Variants in PGP observed in about 807,000 individuals in gnomAD.
PGP encodes the protein phosphoglycolate phosphatase, also known as aspartate-based ubiquitous Mg(2+)-dependent phosphatase.
PGP carries 9 observed loss-of-function variants against 19.3 expected under a neutral mutation model. The ratio of observed to expected loss-of-function variants is 0.47; its 90% confidence interval spans 0.28 to 0.81. The LOEUF is 0.81. PGP is among the 40% of genes least tolerant of loss of function. The pLI is 0.11. For synonymous variants in PGP, 308 were observed against 226.8 expected (o/e 1.36, Z -3.22); for missense variants, 403 against 479.9 (o/e 0.84, Z 1.50).
rs530102811 is a variant in PGP at position 2,213,512 on chromosome 16, C to A, written c.*216G>T. The A allele has an allele frequency of 2.3e-5, 15 of 662,338 alleles. No homozygotes were observed. In the East Asian group the frequency reaches 5.5e-4, roughly 24 times the overall value. The allele number at this position is 662,338 out of a possible 1,614,324, so 41.0% of individuals were successfully genotyped here. ...CCCAGAACCCAGCCCACAACGCCTTCCAAGCCTAAAAGTGCATCTTCGATT... is the reference window on the plus strand; with the variant it reads ...CCCAGAACCCAGCCCACAACGCCTTACAAGCCTAAAAGTGCATCTTCGATT... On this transcript the variant is annotated 3_prime_UTR_variant, in exon 2 of 2. Transcript: ENST00000333503.
In PGP at chr16:2,214,547, G is replaced by A; in HGVS notation, c.231C>T (p.Tyr77=). 3 of 1,458,802 alleles carry A rather than the reference G, an allele frequency of 2.1e-6. No individual in the cohort carries two copies. Among genetic ancestry groups the A allele is most frequent in the Non-Finnish European group, 2.7e-6 (3 of 1,108,494 alleles). 90.4% of individuals were successfully genotyped at this position (1,458,802 alleles called of 1,614,324 possible). A position where few individuals can be genotyped will look rare whatever the true frequency, so the allele number is the denominator to read the frequency against. Reference sequence around the variant, plus strand: ...AGCCCAGGCGCCGCAGCTTCTCGGCGTAGGCAGCGCGGGTCTTGCTGCTGT... The same window carrying A: ...AGCCCAGGCGCCGCAGCTTCTCGGCATAGGCAGCGCGGGTCTTGCTGCTGT... ...TNNSSKTRAA[Y]AEKLRRLGFG... is the part of the protein sequence containing the mutation. Residue 77 remains tyrosine (Y), a synonymous_variant, in exon 1 of 2, where the codon TAC becomes TAT. Transcript: ENST00000333503. This position sits in a 1 kb window ranked among gnomAD's most constrained non-coding sequence, Gnocchi z 7.1.
Position 2,214,014 on chromosome 16 carries a change from T to G in PGP, c.680A>C (p.Gln227Pro). Residue 227 changes from glutamine (Q) to proline (P), a missense_variant, in exon 2 of 2, where the codon CAG (glutamine) becomes CCG (proline). Transcript: ENST00000333503. This position sits in a 1 kb window ranked among gnomAD's most constrained non-coding sequence, Gnocchi z 7.1. ...CLVRAVEMAAQRQADIIGKPS... is the reference protein window; with the variant it reads ...CLVRAVEMAAPRQADIIGKPS... ...CTTCCCGATGATGTCGGCCTGGCGC[T>G]GGGCGGCCATCTCCACGGCTCGGAC... 1 of 1,603,262 alleles carries G rather than the reference T, an allele frequency of 6.2e-7. No individual in the cohort carries two copies. The highest frequency in any genetic ancestry group is 8.5e-7 in the Non-Finnish European group (1 of 1,173,562).
At position 2,212,903 on chromosome 16, in the gene PGP, A is replaced by G; in HGVS notation, c.*825T>C. 3 of 972,748 alleles carry G rather than the reference A, an allele frequency of 3.1e-6. No homozygotes were observed. Among genetic ancestry groups the G allele is most frequent in the East Asian group, 1.2e-4 (1 of 8,314 alleles). 60.3% of individuals were successfully genotyped at this position (972,748 alleles called of 1,614,324 possible). On this transcript the variant is annotated 3_prime_UTR_variant, in exon 2 of 2. Transcript: ENST00000333503. ...TTAAAATTCAAATCCATTGCCTGAC[A>G]CAGTTGTTCAAAGTTAAAAACTGGT...
At position 2,213,464 on chromosome 16, in the gene PGP, G is replaced by T; in HGVS notation, c.*264C>A. On this transcript the variant is annotated 3_prime_UTR_variant, in exon 2 of 2. Transcript: ENST00000333503. ...TGAATCCCGGACAGGTGCAGAGCCT[G>T]CCCCTGCCAACCCCACCCAAGGCCC... is the stretch of plus-strand genomic sequence containing the variant. 2 of 768,842 alleles carry T rather than the reference G, an allele frequency of 2.6e-6. No homozygotes were observed. The highest frequency in any genetic ancestry group is 3.5e-6 in the Non-Finnish European group (2 of 577,432). 47.6% of individuals were successfully genotyped at this position (768,842 alleles called of 1,614,324 possible).
rs748216922 is a variant in PGP at position 2,214,265 on chromosome 16, G to A, written c.513C>T (p.Gly171=). 4.4e-6 allele frequency: 7 copies of A among 1,582,382 alleles called. No homozygotes were observed. Among genetic ancestry groups the A allele is most frequent in the South Asian group, 1.1e-5 (1 of 88,470 alleles). Residue 171 remains glycine, a synonymous_variant, in exon 1 of 2, where the codon GGC becomes GGT. Transcript: ENST00000333503. The surrounding 1 kb of genome is among the most constrained non-coding windows in gnomAD (Gnocchi z 7.1). ...TCATGTAGCTGAAGTGCGGGTCAAA[G>A]CCCACCACCACCGCGCGCACGTCGG... is the stretch of plus-strand genomic sequence containing the variant. ...LEPDVRAVVV[G]FDPHFSYMKL...
At position 2,211,782 on chromosome 16, in the gene PGP, CTCCAGGGCCCTTTGCT is replaced by C. The variant is rs1177152603; in HGVS notation, c.*1930_*1945del. On this transcript the variant is annotated 3_prime_UTR_variant, in exon 2 of 2. Coordinates refer to ENST00000333503, the MANE Select transcript of PGP (RefSeq NM_001042371.3). ...CTGACACGGCAGCCCACCAGCTTCACTCCAGGGCCCTTTGCTTCCCTGGCTTCCCTTTGTGCCTGGC... is the reference window on the plus strand; with the variant it reads ...CTGACACGGCAGCCCACCAGCTTCACTCCCTGGCTTCCCTTTGTGCCTGGC... 1.0e-5 allele frequency: 10 copies of C among 985,540 alleles called. No individual in the cohort carries two copies. Among genetic ancestry groups the C allele is most frequent in the Non-Finnish European group, 1.2e-5 (10 of 830,080 alleles). 61.0% of individuals were successfully genotyped at this position (985,540 alleles called of 1,614,324 possible).
Position 2,212,729 on chromosome 16 carries a change from C to T in PGP, c.*999G>A, listed in dbSNP as rs921920392. On this transcript the variant is annotated 3_prime_UTR_variant, in exon 2 of 2. Coordinates refer to ENST00000333503, the MANE Select transcript of PGP (RefSeq NM_001042371.3). ...ACTGACAGGCATTCCTTGGCCAACA[C>T]ATGCTTGAGCCGCGCTGCTGGCTGC... 1.0e-6 allele frequency: 1 copy of T among 985,322 alleles called. No homozygotes were observed. The highest frequency in any genetic ancestry group is 6.1e-5 in the Admixed American group (1 of 16,274). The allele number at this position is 985,322 out of a possible 1,614,324, so 61.0% of individuals were successfully genotyped here. A position where few individuals can be genotyped will look rare whatever the true frequency, so the allele number is the denominator to read the frequency against.
chr16:2,212,425 T>TA lies in PGP; in HGVS notation c.*1302_*1303insT. Reference sequence around the variant, plus strand: ...AAGGTGCAGCATCCCGGGATGGCCCTGCTGAGTCTGCTGTCAGGCCTGTGA... The same window carrying TA: ...AAGGTGCAGCATCCCGGGATGGCCCTAGCTGAGTCTGCTGTCAGGCCTGTGA... On this transcript the variant is annotated 3_prime_UTR_variant, in exon 2 of 2. Coordinates refer to ENST00000333503, the MANE Select transcript of PGP (RefSeq NM_001042371.3). 1.0e-6 allele frequency: 1 copy of TA among 985,724 alleles called. No individual in the cohort carries two copies. Among genetic ancestry groups the TA allele is most frequent in the African/African-American group, 1.7e-5 (1 of 57,354 alleles). The allele number at this position is 985,724 out of a possible 1,614,324, so 61.1% of individuals were successfully genotyped here.
chr16:2,214,616 C>A lies in PGP; in HGVS notation c.162G>T (p.Arg54=), dbSNP rs1387106913. 3 of 1,455,852 alleles carry A rather than the reference C, an allele frequency of 2.1e-6. No individual in the cohort carries two copies. Among genetic ancestry groups the A allele is most frequent in the Non-Finnish European group, 2.7e-6 (3 of 1,107,620 alleles). The allele number at this position is 1,455,852 out of a possible 1,614,324, so 90.2% of individuals were successfully genotyped here. Residue 54 remains arginine (R), a synonymous_variant, in exon 1 of 2, where the codon CGG becomes CGT. Coordinates refer to ENST00000333503, the MANE Select transcript of PGP (RefSeq NM_001042371.3). This position sits in a 1 kb window ranked among gnomAD's most constrained non-coding sequence, Gnocchi z 7.1. ...GGCGCTTGCCGCGGGCTCGCAGCGC[C>A]CGCAGGGCCTCGGGCGCGCCAGGCA... ...TAVPGAPEAL[R]ALRARGKRLG...
At position 2,214,514 on chromosome 16, in the gene PGP, G is replaced by A; in HGVS notation, c.264C>T (p.Gly88=). Residue 88 remains glycine (G), a synonymous_variant, in exon 1 of 2, where the codon GGC becomes GGT. Coordinates refer to ENST00000333503, the MANE Select transcript of PGP (RefSeq NM_001042371.3). This position sits in a 1 kb window ranked among gnomAD's most constrained non-coding sequence, Gnocchi z 7.1. Reference sequence around the variant, plus strand: ...CCAGGCTGGCGCCGGGCCCCGCGGGGCCGCCGAAGCCCAGGCGCCGCAGCT... The same window carrying A: ...CCAGGCTGGCGCCGGGCCCCGCGGGACCGCCGAAGCCCAGGCGCCGCAGCT... ...AEKLRRLGFG[G]PAGPGASLEV... 7.0e-7 allele frequency: 1 copy of A among 1,431,346 alleles called. No individual in the cohort carries two copies. The highest frequency in any genetic ancestry group is 9.1e-7 in the Non-Finnish European group (1 of 1,095,884). 88.7% of individuals were successfully genotyped at this position (1,431,346 alleles called of 1,614,324 possible). A position where few individuals can be genotyped will look rare whatever the true frequency, so the allele number is the denominator to read the frequency against.
Position 2,212,459 on chromosome 16 carries a change from C to A in PGP, c.*1269G>T, listed in dbSNP as rs1301228068. ...TGCTGTCAGGCCTGTGAAAGGTCAG[C>A]AGAGCCAAGGAGCAGGCAGGAGAGG... On this transcript the variant is annotated 3_prime_UTR_variant, in exon 2 of 2. Transcript: ENST00000333503. 2 of 985,570 alleles carry A rather than the reference C, an allele frequency of 2.0e-6. No individual in the cohort carries two copies. The highest frequency in any genetic ancestry group is 3.5e-5 in the African/African-American group (2 of 57,254). The allele number at this position is 985,570 out of a possible 1,614,324, so 61.1% of individuals were successfully genotyped here. A position where few individuals can be genotyped will look rare whatever the true frequency, so the allele number is the denominator to read the frequency against.
chr16:2,212,912 C>G lies in PGP; in HGVS notation c.*816G>C, dbSNP rs1428996485. On this transcript the variant is annotated 3_prime_UTR_variant, in exon 2 of 2. Coordinates refer to ENST00000333503, the MANE Select transcript of PGP (RefSeq NM_001042371.3). Reference sequence around the variant, plus strand: ...AAATCCATTGCCTGACACAGTTGTTCAAAGTTAAAAACTGGTAGCAGCACT... The same window carrying G: ...AAATCCATTGCCTGACACAGTTGTTGAAAGTTAAAAACTGGTAGCAGCACT... The G allele has an allele frequency of 1.1e-6, 1 of 948,384 alleles. No individual in the cohort carries two copies. The highest frequency in any genetic ancestry group is 1.2e-6 in the Non-Finnish European group (1 of 816,382). 58.7% of individuals were successfully genotyped at this position (948,384 alleles called of 1,614,324 possible). A position where few individuals can be genotyped will look rare whatever the true frequency, so the allele number is the denominator to read the frequency against.
chr16:2,213,968 G>C lies in PGP; in HGVS notation c.726C>G (p.Asp242Glu). Residue 242 changes from aspartate to glutamate, a missense_variant, in exon 2 of 2, where the codon GAC (aspartate) becomes GAG (glutamate). Transcript: ENST00000333503. ...IIGKPSRFIF[D>E]CVSQEYGINP... ...TGATGCCGTATTCCTGGGACACGCA[G>C]TCGAAAATGAAGCGGCTGGGCTTCC... is the stretch of plus-strand genomic sequence containing the variant. The C allele has an allele frequency of 6.2e-7, 1 of 1,611,156 alleles. No individual in the cohort carries two copies. Among genetic ancestry groups the C allele is most frequent in the Non-Finnish European group, 8.5e-7 (1 of 1,178,260 alleles).
rs549802514 is a variant in PGP, at chr16:2,213,899, G to A, written c.795C>T (p.Asp265=). ...TVMVGDRLDT[D]ILLGATCGLK... ...GGCCACAGGTGGCGCCTAGGAGGATGTCTGTGTCCAGGCGGTCTCCCACCA... is the reference window on the plus strand; with the variant it reads ...GGCCACAGGTGGCGCCTAGGAGGATATCTGTGTCCAGGCGGTCTCCCACCA... Residue 265 remains aspartate (D), a synonymous_variant, in exon 2 of 2, where the codon GAC becomes GAT. Coordinates refer to ENST00000333503, the MANE Select transcript of PGP (RefSeq NM_001042371.3). 1.2e-6 allele frequency: 2 copies of A among 1,613,392 alleles called. No individual in the cohort carries two copies. The highest frequency in any genetic ancestry group is 1.1e-5 in the South Asian group (1 of 91,076).
rs1056726031 is a variant in PGP, at chr16:2,212,415, G to A, written c.*1313C>T. 3.8e-5 allele frequency: 37 copies of A among 985,856 alleles called. No individual in the cohort carries two copies. Among genetic ancestry groups the A allele is most frequent in the East Asian group, 3.4e-4 (3 of 8,830 alleles). 61.1% of individuals were successfully genotyped at this position (985,856 alleles called of 1,614,324 possible). A position where few individuals can be genotyped will look rare whatever the true frequency, so the allele number is the denominator to read the frequency against. On this transcript the variant is annotated 3_prime_UTR_variant, in exon 2 of 2. Transcript: ENST00000333503. ...AGCCAGCCAGAAGGTGCAGCATCCC[G>A]GGATGGCCCTGCTGAGTCTGCTGTC... is the stretch of plus-strand genomic sequence containing the variant.
In PGP at chr16:2,213,515, A is replaced by G. The variant is rs26848; in HGVS notation, c.*213T>C. The G allele has an allele frequency of 0.44, 282,407 of 649,010 alleles. 66,500 individuals are homozygous for G. The highest frequency in any genetic ancestry group is 0.59 in the East Asian group (16,051 of 27,182). 40.2% of individuals were successfully genotyped at this position (649,010 alleles called of 1,614,324 possible). Reference sequence around the variant, plus strand: ...AGAACCCAGCCCACAACGCCTTCCAAGCCTAAAAGTGCATCTTCGATTACA... The same window carrying G: ...AGAACCCAGCCCACAACGCCTTCCAGGCCTAAAAGTGCATCTTCGATTACA... On this transcript the variant is annotated 3_prime_UTR_variant, in exon 2 of 2. Coordinates refer to ENST00000333503, the MANE Select transcript of PGP (RefSeq NM_001042371.3).
At position 2,213,255 on chromosome 16, in the gene PGP, A is replaced by G. The variant is rs1338290974; in HGVS notation, c.*473T>C. 6.1e-6 allele frequency: 6 copies of G among 985,922 alleles called. No homozygotes were observed. In the African/African-American group the frequency reaches 1.0e-4, roughly 17 times the overall value. The allele number at this position is 985,922 out of a possible 1,614,324, so 61.1% of individuals were successfully genotyped here. ...ACCCTGCTGGGAGGCACAGGGACAC[A>G]GAAGGCTCCGCTGGACTTTCAGTCA... On this transcript the variant is annotated 3_prime_UTR_variant, in exon 2 of 2. Coordinates refer to ENST00000333503, the MANE Select transcript of PGP (RefSeq NM_001042371.3).
chr16:2,214,574 G>T lies in PGP; in HGVS notation c.204C>A (p.Asn68Lys). 6.8e-7 allele frequency: 1 copy of T among 1,473,380 alleles called. No homozygotes were observed. The allele number at this position is 1,473,380 out of a possible 1,614,324, so 91.3% of individuals were successfully genotyped here. The change falls in exon 1 of 2, where the codon AAC (asparagine) becomes AAA (lysine). Residue 68 changes from asparagine (N) to lysine (K), a missense_variant. Asn to Lys is a moderately conservative substitution (Grantham distance 94, BLOSUM62 0). Transcript: ENST00000333503. This position sits in a 1 kb window ranked among gnomAD's most constrained non-coding sequence, Gnocchi z 7.1. ...AGGCAGCGCGGGTCTTGCTGCTGTTGTTGGTGATGAAGCCCAGGCGCTTGC... is the reference window on the plus strand; with the variant it reads ...AGGCAGCGCGGGTCTTGCTGCTGTTTTTGGTGATGAAGCCCAGGCGCTTGC... The part of the protein sequence containing the change: ...ARGKRLGFIT[N>K]NSSKTRAAYA...
Position 2,211,919 on chromosome 16 carries a change from C to T in PGP, c.*1809G>A. On this transcript the variant is annotated 3_prime_UTR_variant, in exon 2 of 2. Coordinates refer to ENST00000333503, the MANE Select transcript of PGP (RefSeq NM_001042371.3). ...AGTTGGAACCCCAGTTACCCATCTA[C>T]TTTGAGTCCTCCCACCCGTGGTGAG... is the stretch of plus-strand genomic sequence containing the variant. 1.8e-5 allele frequency: 18 copies of T among 985,550 alleles called. No homozygotes were observed. The highest frequency in any genetic ancestry group is 2.2e-5 in the Non-Finnish European group (18 of 829,978). The allele number at this position is 985,550 out of a possible 1,614,324, so 61.1% of individuals were successfully genotyped here.
Sources: allele counts gnomAD v4.1 joint callset, GRCh38; gene constraint gnomAD v4.1.1; non-coding constraint Gnocchi (gnomAD v3.1); transcripts MANE v1.5; gene names NCBI Gene and HGNC (gene_info 2026-07-23, HGNC 2026-07-21).